The following CFAP221 variants were observed in gnomAD, a reference collection of about 807,000 sequenced individuals.
The protein encoded by CFAP221 is cilia and flagella associated protein 221, also known as cilia- and flagella-associated protein 221.
A neutral mutation model predicts 113.1 loss-of-function variants in CFAP221; 97 were observed. The ratio of observed to expected loss-of-function variants is 0.86; its 90% confidence interval spans 0.73 to 1.02. CFAP221 has a LOEUF of 1.02. CFAP221 is among the 50% of genes least tolerant of loss of function. The pLI, the probability that CFAP221 is intolerant of heterozygous loss-of-function variation, is 0.00. For missense variants in CFAP221, 1,025 were observed against 1,013.4 expected (o/e 1.01, Z -0.16); for synonymous variants, 331 against 354.4 (o/e 0.93, Z 0.74).
Position 119,606,173 on chromosome 2 carries a change from T to C in CFAP221, c.1133+884T>C, listed in dbSNP as rs1236621693. 7.9e-5 allele frequency among the ~76,000 whole-genome samples: 12 copies of C among 151,874 alleles called. No homozygotes were observed. In the East Asian group the frequency reaches 2.1e-3, roughly 27 times the overall value. ...TGCGTGCCACCATGCCCAGCAAATT[T>C]TTTTTTTTTTTAGAGATGGGGTCTC... On this transcript the variant is annotated intron_variant, in intron 11 of 23. Coordinates refer to ENST00000413369, the MANE Select transcript of CFAP221 (RefSeq NM_001271049.2).
chr2:119,623,537 C>T (rs917796137), intron 14 of CFAP221, among the ~76,000 whole-genome samples: 2 of 152,078 alleles, frequency 1.3e-5, no homozygotes, highest in African/African-American at 4.8e-5. Context: ...CATTTGGAAC[C>T]AAAAAAGAGC....
At chr2:119,637,476 T>C (rs1351928769) in intron 19 of CFAP221, among the ~76,000 whole-genome samples, 2 of 152,214 alleles carry the variant, frequency 1.3e-5, no homozygotes, top group Non-Finnish European at 2.9e-5. Context: ...GTGGGGCGTT[T>C]TTAACTTGTT....
intron 7 of CFAP221, among the ~76,000 whole-genome samples, chr2:119,593,414 GGT>G (rs1683732024): frequency 6.6e-6 from 1 of 152,204 alleles, no homozygotes. Flanking sequence ...CAGGAAGCAT[GGT>G]GCTGGCATCT....
intron 7 of CFAP221, among the ~76,000 whole-genome samples, chr2:119,597,097 T>C (rs1289418109): frequency 1.3e-5 from 2 of 152,236 alleles, no homozygotes; most frequent in Admixed American, 6.5e-5. Flanking sequence ...ATAAATTGTT[T>C]CTTGTTTTAT....
intron 16 of CFAP221, among the ~76,000 whole-genome samples, chr2:119,628,589 G>A (rs145227861): frequency 1.3e-5 from 2 of 152,216 alleles, no homozygotes; most frequent in East Asian, 1.9e-4. Context: ...AGTTCACATC[G>A]TTAGTAATAA....
At chr2:119,598,751 C>G (rs766626145) in intron 7 of CFAP221, among the ~76,000 whole-genome samples, 2 of 152,180 alleles carry the variant, frequency 1.3e-5, no homozygotes, top group African/African-American at 2.4e-5. Flanking sequence ...AACTGGCATC[C>G]CTGTTAATGG....
intron 22 of CFAP221, among the ~76,000 whole-genome samples, chr2:119,651,621 G>A (rs762565745): frequency 3.3e-5 from 5 of 152,088 alleles, no homozygotes; most frequent in Non-Finnish European, 5.9e-5. Context: ...AACATATTCC[G>A]ACTAATTTTA....
chr2:119,637,938 A>G (rs773724983), intron 19 of CFAP221, among the ~76,000 whole-genome samples: 1 of 152,216 alleles, frequency 6.6e-6, no homozygotes, highest in Non-Finnish European at 1.5e-5. Context: ...CTAATTCATC[A>G]GCATTAGCAA....
chr2:119,605,268 A>G lies in CFAP221; in HGVS notation c.1112A>G (p.Glu371Gly), dbSNP rs753969821. 15 of 1,613,684 alleles carry G rather than the reference A, an allele frequency of 9.3e-6. No individual in the cohort carries two copies. The highest frequency in any genetic ancestry group is 1.6e-4 in the Middle Eastern group (1 of 6,084). ...AAAGTCAGACAGGACATTCACGAAGAGATGGAAAATCATCTTAAGTGGTAA... is the reference window on the plus strand; with the variant it reads ...AAAGTCAGACAGGACATTCACGAAGGGATGGAAAATCATCTTAAGTGGTAA... ...EQKVRQDIHEEMENHLKWQVH... is the reference protein window; with the variant it reads ...EQKVRQDIHEGMENHLKWQVH... Residue 371 changes from glutamate to glycine, a missense_variant, in exon 11 of 24, where the codon GAG (glutamate) becomes GGG (glycine). Coordinates refer to ENST00000413369, the MANE Select transcript of CFAP221 (RefSeq NM_001271049.2).
At chr2:119,622,295 C>A (rs2104736069) in intron 14 of CFAP221, among the ~76,000 whole-genome samples, 1 of 152,286 alleles carries the variant, frequency 6.6e-6, no homozygotes, top group Admixed American at 6.5e-5. Context: ...TGGACACATA[C>A]ACCCTCCCAA....
chr2:119,649,486 G>A (rs1234278263), intron 22 of CFAP221, among the ~76,000 whole-genome samples: 2 of 152,182 alleles, frequency 1.3e-5, no homozygotes, highest in African/African-American at 4.8e-5. Context: ...CTAGTTTAGT[G>A]AGACAGAACG....
chr2:119,583,441 A>G (rs2104605395), intron 6 of CFAP221, among the ~76,000 whole-genome samples: 1 of 128,158 alleles, frequency 7.8e-6, no homozygotes, highest in African/African-American at 3.0e-5. Flanking sequence ...CACTGGGATT[A>G]TAGGCACAAG....
downstream of CFAP221, among the ~76,000 whole-genome samples, chr2:119,657,094 C>T (rs1688473139): frequency 6.6e-6 from 1 of 152,114 alleles, no homozygotes; most frequent in Admixed American, 6.5e-5. Flanking sequence ...AAAACCAGGC[C>T]TCAGTATTGT....
At chr2:119,650,124 C>T (rs986306333) in intron 22 of CFAP221, among the ~76,000 whole-genome samples, 11 of 152,298 alleles carry the variant, frequency 7.2e-5, no homozygotes, top group African/African-American at 2.6e-4. Context: ...ACCATATATA[C>T]TCAAAAATAA....
chr2:119,649,366 T>C (rs1687990245), intron 22 of CFAP221, among the ~76,000 whole-genome samples: 1 of 152,204 alleles, frequency 6.6e-6, no homozygotes, highest in Non-Finnish European at 1.5e-5. Flanking sequence ...CTCACGATAT[T>C]TACAACTCAT....
At chr2:119,563,214 T>C (rs1681381322) in intron 6 of CFAP221, among the ~76,000 whole-genome samples, 1 of 152,196 alleles carries the variant, frequency 6.6e-6, no homozygotes, top group African/African-American at 2.4e-5. Context: ...TTCTCCTGTG[T>C]ACTTCAAATC....
intron 19 of CFAP221, among the ~76,000 whole-genome samples, chr2:119,635,057 A>G (rs2104775861): frequency 6.6e-6 from 1 of 152,220 alleles, no homozygotes. Context: ...TGGGCAAAAG[A>G]TTTGAACACA....
chr2:119,574,739 A>G (rs1682315328), intron 6 of CFAP221, among the ~76,000 whole-genome samples: 1 of 152,168 alleles, frequency 6.6e-6, no homozygotes. Context: ...TGCACTTTTA[A>G]TGTAGTTTCT....
At chr2:119,605,710 TA>T (rs1304902018) in intron 11 of CFAP221, among the ~76,000 whole-genome samples, 4 of 152,198 alleles carry the variant, frequency 2.6e-5, no homozygotes. Context: ...ATGGAGGTTT[TA>T]AAACTGAGAT....
Sources: allele counts gnomAD v4.1 joint callset (sites outside exome capture counted in the v4.1 genomes callset), GRCh38; gene constraint gnomAD v4.1.1; transcripts MANE v1.5; gene names NCBI Gene and HGNC (gene_info 2026-07-23, HGNC 2026-07-21).